WWOX: variants seen among roughly 807,000 people sequenced by gnomAD.
The protein encoded by WWOX is WW domain containing oxidoreductase.
WWOX carries 69 observed loss-of-function variants against 46.2 expected under a neutral mutation model. The observed-to-expected ratio is 1.49, with a 90% CI of 1.23 to 1.82. The LOEUF is 1.82. Among genes scored for constraint, WWOX ranks in the 40% most tolerant of loss-of-function variants. The pLI is 0.00. For synonymous variants in WWOX, 359 were observed against 202.6 expected, an observed-to-expected ratio of 1.77 and a Z score of -6.56; for missense variants, 919 against 542.6, an observed-to-expected ratio of 1.69 and a Z score of -6.89.
chr16:78,465,423 G>A (rs56096316), intron 8 of WWOX, among the ~76,000 whole-genome samples: 8 of 152,126 alleles, frequency 5.3e-5, no homozygotes, highest in Non-Finnish European at 7.3e-5. Context: ...CAAGCAGTCC[G>A]CCTGCATCGG....
intron 4 of WWOX, among the ~76,000 whole-genome samples, chr16:78,155,581 G>A (rs896325723): frequency 9.2e-5 from 14 of 152,128 alleles, no homozygotes; most frequent in African/African-American, 3.4e-4. Context: ...GCTTTAAAAC[G>A]TCTTTCTTTA....
At position 78,344,527 on chromosome 16, in the gene WWOX, A is replaced by G. The variant is rs1488989091; in HGVS notation, c.517-42333A>G. On this transcript the variant is annotated intron_variant, in intron 5 of 8. Transcript: ENST00000566780. ...TAAATGAACACAGGAAATGCCATTC[A>G]CCTTTACCATGAATGGGAATCTTTG... Among the ~76,000 whole-genome samples the G allele has an allele frequency of 1.7e-5, 2 of 120,716 alleles. 1 individual carries two copies. The highest frequency in any genetic ancestry group is 4.0e-5 in the Non-Finnish European group (2 of 50,524). The allele number at this position is 120,716 out of a possible 152,430, so 79.2% of individuals were successfully genotyped here. A position where few individuals can be genotyped will look rare whatever the true frequency, so the allele number is the denominator to read the frequency against.
intron 8 of WWOX, among the ~76,000 whole-genome samples, chr16:78,734,638 T>C (rs146903382): frequency 9.2e-5 from 14 of 152,052 alleles, no homozygotes; most frequent in African/African-American, 2.9e-4. Flanking sequence ...GGTGCCCACA[T>C]GTTTGGTCAA....
chr16:78,790,571 G>A (rs1270240033), intron 8 of WWOX, among the ~76,000 whole-genome samples: 2 of 152,190 alleles, frequency 1.3e-5, no homozygotes, highest in East Asian at 3.8e-4. Flanking sequence ...TTAACATGGA[G>A]GAGATAAGCA....
chr16:79,013,533 C>T (rs1056009907), intron 8 of WWOX, among the ~76,000 whole-genome samples: 12 of 152,182 alleles, frequency 7.9e-5, no homozygotes, highest in African/African-American at 2.4e-5. Context: ...GCAACAGGGA[C>T]AGCAAAAGCA....
chr16:78,509,267 T>C (rs2085296710), intron 8 of WWOX, among the ~76,000 whole-genome samples: 1 of 152,114 alleles, frequency 6.6e-6, no homozygotes, highest in African/African-American at 2.4e-5. Flanking sequence ...GGCAAAACCC[T>C]GTCTCTACTA....
intron 8 of WWOX, among the ~76,000 whole-genome samples, chr16:79,127,709 T>G (rs926464929): frequency 6.6e-6 from 1 of 152,184 alleles, no homozygotes; most frequent in Non-Finnish European, 1.5e-5. Context: ...ACGGAGGTTG[T>G]TCTGATTTAC....
intron 8 of WWOX, among the ~76,000 whole-genome samples, chr16:78,728,975 C>T (rs898959829): frequency 3.3e-5 from 5 of 152,048 alleles, no homozygotes; most frequent in Admixed American, 2.6e-4. Context: ...AAGTGAGAAA[C>T]GTTGGCTTTA....
At chr16:78,697,401 G>C (rs1373007312) in intron 8 of WWOX, among the ~76,000 whole-genome samples, 1 of 152,114 alleles carries the variant, frequency 6.6e-6, no homozygotes, top group Non-Finnish European at 1.5e-5. Flanking sequence ...AAAACAAATA[G>C]GTGGGACTTA....
intron 8 of WWOX, among the ~76,000 whole-genome samples, chr16:78,455,779 G>C (rs917247718): frequency 7.0e-6 from 1 of 142,846 alleles, no homozygotes; most frequent in Non-Finnish European, 1.5e-5. Flanking sequence ...TGATGCCTGG[G>C]GGAGGTGAAG....
intron 4 of WWOX, among the ~76,000 whole-genome samples, chr16:78,121,372 C>G (rs1465888048): frequency 6.6e-6 from 1 of 152,140 alleles, no homozygotes; most frequent in Non-Finnish European, 1.5e-5. Context: ...CAGTGTTAGA[C>G]AAAGTCCTTA....
intron 5 of WWOX, among the ~76,000 whole-genome samples, chr16:78,184,122 C>T (rs1164598820): frequency 6.6e-6 from 1 of 152,100 alleles, no homozygotes; most frequent in African/African-American, 2.4e-5. Context: ...TCCACCATAT[C>T]AGAAGGTCCT....
intron 8 of WWOX, among the ~76,000 whole-genome samples, chr16:79,178,960 GA>G (rs1398157487): frequency 6.6e-6 from 1 of 152,190 alleles, no homozygotes; most frequent in Non-Finnish European, 1.5e-5. Flanking sequence ...ACCTTCTAGG[GA>G]AATGTGAGTT....
intron 8 of WWOX, among the ~76,000 whole-genome samples, chr16:79,148,447 C>T (rs932220900): frequency 6.6e-5 from 10 of 152,252 alleles, no homozygotes; most frequent in African/African-American, 9.6e-5. Flanking sequence ...GACAATTATA[C>T]GCTGTCTTCA....
chr16:78,108,736 C>G (rs1342057949), intron 2 of WWOX, among the ~76,000 whole-genome samples: 1 of 152,192 alleles, frequency 6.6e-6, no homozygotes, highest in Non-Finnish European at 1.5e-5. Flanking sequence ...GCCTGTAATC[C>G]CAGCACTTCG....
At chr16:78,721,258 C>G (rs2048682722) in intron 8 of WWOX, among the ~76,000 whole-genome samples, 1 of 136,498 alleles carries the variant, frequency 7.3e-6, no homozygotes, top group African/African-American at 2.9e-5. Flanking sequence ...AAGTAGCTTT[C>G]ATGATGAAGG....
chr16:78,398,389 A>G (rs2082336916), intron 6 of WWOX, among the ~76,000 whole-genome samples: 1 of 152,110 alleles, frequency 6.6e-6, no homozygotes, highest in Non-Finnish European at 1.5e-5. Context: ...GTCCATCATC[A>G]TGTCAGTTAT....
intron 8 of WWOX, among the ~76,000 whole-genome samples, chr16:78,472,809 CAA>C (rs756666392): frequency 2.1e-3 from 109 of 50,876 alleles, no homozygotes; most frequent in Middle Eastern, 0.016. Flanking sequence ...AACTCCATCT[CAA>C]AAAAAAAAAA....
At chr16:78,384,324 T>A (rs1212270688) in intron 5 of WWOX, among the ~76,000 whole-genome samples, 1 of 152,120 alleles carries the variant, frequency 6.6e-6, no homozygotes. Flanking sequence ...CCAGAGGACT[T>A]AGGATGAGGA....
Sources: allele counts gnomAD v4.1 joint callset (sites outside exome capture counted in the v4.1 genomes callset), GRCh38; gene constraint gnomAD v4.1.1; transcripts MANE v1.5; gene names NCBI Gene and HGNC (gene_info 2026-07-23, HGNC 2026-07-21).